Variants in CSMD1 observed in about 807,000 individuals in gnomAD.
The protein encoded by CSMD1 is CUB and sushi domain-containing protein 1.
CSMD1 carries 213 observed loss-of-function variants against 417.5 expected under a neutral mutation model. The ratio of observed to expected loss-of-function variants is 0.51; its 90% CI spans 0.46 to 0.57. The LOEUF (loss-of-function observed/expected upper bound fraction) is 0.57, where lower values mean the gene tolerates loss of function less well. Among genes scored for constraint, CSMD1 ranks in the 20% least tolerant of loss-of-function variants. The pLI is 0.00. For synonymous variants in CSMD1, 2,862 were observed against 1,736.8 expected (o/e 1.65, Z -16.11); for missense variants, 6,923 against 4,529.7 (o/e 1.53, Z -15.17).
At chr8:4,602,884 C>T (rs12676704) in intron 2 of CSMD1, among the ~76,000 whole-genome samples, 41,661 of 151,422 alleles carry the variant, frequency 0.28, 7,062 homozygotes, top group African/African-American at 0.48. Flanking sequence ...TAAATAATAA[C>T]GCTATCATAT....
chr8:3,214,249 G>T (rs980692531), intron 30 of CSMD1, among the ~76,000 whole-genome samples: 1 of 152,064 alleles, frequency 6.6e-6, no homozygotes, highest in African/African-American at 2.4e-5. Flanking sequence ...AAAAACAGAA[G>T]TGAAAAATGT....
rs539308544 is a variant in CSMD1, at chr8:3,859,079, T to C, written c.819-105037A>G. Among the ~76,000 whole-genome samples, 12 of 152,308 alleles carry C rather than the reference T, an allele frequency of 7.9e-5. No homozygotes were observed. In the South Asian group the frequency reaches 2.5e-3, roughly 32 times the overall value. ...TTATTCATGTGTTATGTGATATTCA[T>C]CTTCTCATCCATGCACATTCAATCA... On this transcript the variant is annotated intron_variant, in intron 5 of 69. Transcript: ENST00000635120.
intron 6 of CSMD1, among the ~76,000 whole-genome samples, chr8:3,743,142 T>C (rs552544396): frequency 6.6e-6 from 1 of 152,104 alleles, no homozygotes; most frequent in Admixed American, 6.6e-5. Flanking sequence ...GTCATGAAGG[T>C]CTTCAGGCTC....
intron 3 of CSMD1, among the ~76,000 whole-genome samples, chr8:4,096,129 G>A (rs1051543110): frequency 2.0e-5 from 3 of 152,060 alleles, no homozygotes; most frequent in East Asian, 1.9e-4. Context: ...AACATCCAGG[G>A]TCCTAGATGT....
intron 2 of CSMD1, among the ~76,000 whole-genome samples, chr8:4,460,728 C>T (rs1354632165): frequency 6.6e-6 from 1 of 152,092 alleles, no homozygotes; most frequent in Middle Eastern, 3.4e-3. Flanking sequence ...ATACAAATTA[C>T]CCAAAACTTA....
intron 8 of CSMD1, among the ~76,000 whole-genome samples, chr8:3,604,092 C>A (rs547665256): frequency 6.6e-6 from 1 of 152,132 alleles, no homozygotes; most frequent in Non-Finnish European, 1.5e-5. Context: ...TGAATGCTTC[C>A]TTCGAAGCAG....
intron 53 of CSMD1, 97 bp from the exon 54 acceptor site, chr8:2,998,281 A>G (rs1185875664): frequency 7.8e-7 from 1 of 1,285,006 alleles, no homozygotes. Context: ...TGCTAACGGT[A>G]TGGACTGAAG....
At chr8:3,767,294 A>G (rs1278086060) in intron 5 of CSMD1, among the ~76,000 whole-genome samples, 4 of 152,198 alleles carry the variant, frequency 2.6e-5, no homozygotes, top group Non-Finnish European at 5.9e-5. Context: ...CACACTCTGC[A>G]ATGGTGTGGT....
intron 5 of CSMD1, among the ~76,000 whole-genome samples, chr8:3,831,155 A>G (rs1802355269): frequency 6.6e-6 from 1 of 152,202 alleles, no homozygotes; most frequent in African/African-American, 2.4e-5. Flanking sequence ...ATTCAAAAGA[A>G]ACCCAATTTA....
At chr8:3,841,802 G>A (rs541846441) in intron 5 of CSMD1, among the ~76,000 whole-genome samples, 1 of 151,948 alleles carries the variant, frequency 6.6e-6, no homozygotes, top group Admixed American at 6.6e-5. Context: ...GTGCAAATCA[G>A]CCCATGATCT....
chr8:3,847,207 A>C (rs1471013321), intron 5 of CSMD1, among the ~76,000 whole-genome samples: 1 of 152,092 alleles, frequency 6.6e-6, no homozygotes, highest in Non-Finnish European at 1.5e-5. Flanking sequence ...TCTTACCATT[A>C]TGTTACATTA....
At chr8:3,068,758 A>T (rs1211437410) in intron 49 of CSMD1, among the ~76,000 whole-genome samples, 1 of 152,172 alleles carries the variant, frequency 6.6e-6, no homozygotes, top group Non-Finnish European at 1.5e-5. Flanking sequence ...AGAACTCACT[A>T]TCATGAAGAC....
chr8:3,357,866 AT>A (rs1310219505), intron 21 of CSMD1, among the ~76,000 whole-genome samples: 8 of 152,186 alleles, frequency 5.3e-5, no homozygotes, highest in Non-Finnish European at 1.0e-4. Context: ...AGAAAAGCAG[AT>A]TGTGAAAATA....
intron 65 of CSMD1, 124 bp from the exon 66 acceptor site, chr8:2,951,399 C>G: frequency 1.0e-6 from 1 of 971,460 alleles, no homozygotes; most frequent in Non-Finnish European, 1.5e-6. Flanking sequence ...GTGATGAAGA[C>G]AAGAGGAGCC....
intron 37 of CSMD1, 111 bp from the exon 38 acceptor site, chr8:3,162,388 A>G: frequency 1.4e-6 from 1 of 700,016 alleles, no homozygotes; most frequent in Non-Finnish European, 2.5e-6. Context: ...ATGAACAAAG[A>G]CTTCAACTCT....
rs11304604 is a variant in CSMD1 at position 4,698,757 on chromosome 8, TAA to T, written c.86-61201_86-61200del. Among the ~76,000 whole-genome samples the T allele has an allele frequency of 4.2e-3, 624 of 149,252 alleles. 4 individuals are homozygous for T. Among genetic ancestry groups the T allele is most frequent in the South Asian group, 0.029 (139 of 4,750 alleles). On this transcript the variant is annotated intron_variant, in intron 1 of 69. Transcript: ENST00000635120. ...CTTACCTACTAAACTCTCTGCCCCTTAAAAAAAAAAATTCCACCATATAAAAA... is the reference window on the plus strand; with the variant it reads ...CTTACCTACTAAACTCTCTGCCCCTTAAAAAAAAATTCCACCATATAAAAA...
chr8:4,650,756 A>G (rs1803844132), intron 1 of CSMD1, among the ~76,000 whole-genome samples: 1 of 151,912 alleles, frequency 6.6e-6, no homozygotes, highest in Non-Finnish European at 1.5e-5. Flanking sequence ...TATTTTGCCT[A>G]TTTAAGCATG....
chr8:3,572,464 G>C (rs1248661565), intron 10 of CSMD1, among the ~76,000 whole-genome samples: 1 of 152,124 alleles, frequency 6.6e-6, no homozygotes, highest in Non-Finnish European at 1.5e-5. Context: ...CTCCTGCCCA[G>C]CGTTTCTAAT....
At chr8:4,357,897 T>C (rs553543711) in intron 3 of CSMD1, among the ~76,000 whole-genome samples, 3 of 152,102 alleles carry the variant, frequency 2.0e-5, no homozygotes, top group South Asian at 4.2e-4. Flanking sequence ...CGTATAATTG[T>C]AGTATTTATA....
Sources: allele counts gnomAD v4.1 joint callset (sites outside exome capture counted in the v4.1 genomes callset), GRCh38; gene constraint gnomAD v4.1.1; transcripts MANE v1.5; gene names NCBI Gene and HGNC (gene_info 2026-07-23, HGNC 2026-07-21).